LMO7: variants seen among roughly 807,000 people sequenced by gnomAD.
The protein encoded by LMO7 is LIM domain only protein 7.
LMO7 carries 120 observed loss-of-function variants against 206.5 expected under a neutral mutation model. That is an observed-to-expected ratio of 0.58 (90% CI 0.50 to 0.68). The LOEUF is 0.68. LMO7 is among the 30% of genes least tolerant of loss of function. LMO7 has a pLI of 0.00. For missense variants in LMO7, 1,959 were observed against 1,957.9 expected (o/e 1.00, Z -0.01); for synonymous variants, 706 against 681.5 (o/e 1.04, Z -0.56).
chr13:75,646,239 C>T (rs2036995490), intron 1 of LMO7, among the ~76,000 whole-genome samples: 1 of 152,182 alleles, frequency 6.6e-6, no homozygotes, highest in Non-Finnish European at 1.5e-5. Flanking sequence ...ATCCAACAGG[C>T]TATATCTTCA....
intron 11 of LMO7, among the ~76,000 whole-genome samples, chr13:75,813,204 C>A (rs541508396): frequency 3.5e-4 from 54 of 152,372 alleles, no homozygotes; most frequent in African/African-American, 1.2e-3. Context: ...GGCTGAGAGA[C>A]TCCTTCCTCT....
chr13:75,624,357 C>T (rs147142535), intron 2 of LMO7, among the ~76,000 whole-genome samples: 2,948 of 152,306 alleles, frequency 0.019, 34 homozygotes, highest in Non-Finnish European at 0.03. Context: ...GCTTCCTAGC[C>T]TCTCTGCTGT....
chr13:75,833,810 T>C (rs2058892916), intron 16 of LMO7, among the ~76,000 whole-genome samples: 1 of 152,188 alleles, frequency 6.6e-6, no homozygotes, highest in African/African-American at 2.4e-5. Context: ...TAGATAATGG[T>C]ATTTTAGTTA....
intron 15 of LMO7, among the ~76,000 whole-genome samples, chr13:75,830,895 T>C (rs780179608): frequency 1.3e-5 from 2 of 152,220 alleles, no homozygotes; most frequent in African/African-American, 2.4e-5. Context: ...CTTCAAGCTA[T>C]AAAACACAAT....
In LMO7 at chr13:75,727,117, T is replaced by TCA; in HGVS notation, c.210+22_210+23dup. 6.9e-7 allele frequency: 1 copy of TCA among 1,452,414 alleles called. No individual in the cohort carries two copies. Among genetic ancestry groups the TCA allele is most frequent in the East Asian group, 2.3e-5 (1 of 43,686 alleles). The allele number at this position is 1,452,414 out of a possible 1,614,324, so 90.0% of individuals were successfully genotyped here. On this transcript the variant is annotated intron_variant, in intron 3 of 30. Transcript: ENST00000377534. The stretch of plus-strand genomic sequence containing the variant: ...AGGATTGGTAAGTAGTAAATTATCT[T>TCA]CACAACTAAATTTATTTGTCTTTGA...
intron 11 of LMO7, among the ~76,000 whole-genome samples, chr13:75,816,635 A>G (rs2057027193): frequency 6.6e-6 from 1 of 150,904 alleles, no homozygotes; most frequent in Admixed American, 6.7e-5. Flanking sequence ...GAACAAGTCT[A>G]GTGCAGTGGT....
At chr13:75,629,368 C>A (rs2034622308) in intron 2 of LMO7, among the ~76,000 whole-genome samples, 1 of 151,828 alleles carries the variant, frequency 6.6e-6, no homozygotes, top group African/African-American at 2.4e-5. Context: ...GCTTATGGTT[C>A]AGTGAGGAAA....
At chr13:75,820,865 C>T (rs372153010) in intron 13 of LMO7, among the ~76,000 whole-genome samples, 54 of 152,074 alleles carry the variant, frequency 3.6e-4, no homozygotes, top group East Asian at 5.8e-4. Context: ...GGTGTGGTGG[C>T]GCATGCCCGT....
At chr13:75,805,969 C>T (rs1448401889) in intron 9 of LMO7, 1 of 1,086,732 alleles carries the variant, frequency 9.2e-7, no homozygotes, top group East Asian at 2.8e-5. Context: ...TATACATAGT[C>T]ATAGCACGGC....
intron 3 of LMO7, chr13:75,760,389 G>T (rs2048058502): frequency 2.8e-6 from 3 of 1,064,926 alleles, no homozygotes; most frequent in African/African-American, 1.7e-5. Flanking sequence ...TGGTTTCCCT[G>T]CCTGTCAAGA....
At chr13:75,727,662 A>G (rs1047214012) in intron 3 of LMO7, among the ~76,000 whole-genome samples, 2 of 151,972 alleles carry the variant, frequency 1.3e-5, no homozygotes, top group Non-Finnish European at 2.9e-5. Flanking sequence ...TTTAGGGTAC[A>G]TGTGCACAAC....
chr13:75,632,862 G>GTTTTT (rs10690832), upstream of LMO7, among the ~76,000 whole-genome samples: 28,065 of 101,930 alleles, frequency 0.28, 6,703 homozygotes, highest in Admixed American at 0.41. Flanking sequence ...TTACTTAAAA[G>GTTTTT]TTTTTTTTTT....
chr13:75,823,031 G>A (rs940457876), intron 14 of LMO7, among the ~76,000 whole-genome samples: 1 of 151,724 alleles, frequency 6.6e-6, no homozygotes, highest in African/African-American at 2.4e-5. Context: ...GCAAGTAAAG[G>A]GACTGGTTTA....
At chr13:75,686,526 C>CT (rs3036372) in intron 1 of LMO7, among the ~76,000 whole-genome samples, 15,157 of 135,760 alleles carry the variant, frequency 0.11, 901 homozygotes, top group East Asian at 0.14. Flanking sequence ...CCTATCTTAC[C>CT]TTTTTTTTTT....
chr13:75,706,751 C>A (rs1367174903), intron 1 of LMO7, among the ~76,000 whole-genome samples: 1 of 152,022 alleles, frequency 6.6e-6, no homozygotes, highest in Non-Finnish European at 1.5e-5. Context: ...TTGTAAAATA[C>A]CCTAATTTTA....
chr13:75,841,240 T>C (rs2059535198), intron 23 of LMO7, 39 bp downstream of exon 23: 1 of 1,352,564 alleles, frequency 7.4e-7, no homozygotes, highest in Non-Finnish European at 1.1e-6. Flanking sequence ...TTCTTCTCTT[T>C]ACCTTGTTGG....
chr13:75,783,898 C>T (rs2051962065), intron 4 of LMO7, among the ~76,000 whole-genome samples: 1 of 152,164 alleles, frequency 6.6e-6, no homozygotes, highest in Admixed American at 6.5e-5. Context: ...TTCTAGGTTA[C>T]AGTCTTTAAA....
chr13:75,703,273 A>G (rs1463992178), intron 1 of LMO7, among the ~76,000 whole-genome samples: 1 of 152,176 alleles, frequency 6.6e-6, no homozygotes, highest in Non-Finnish European at 1.5e-5. Context: ...TTTAAAAGTG[A>G]TGAGGGTGTG....
At chr13:75,793,337 G>A (rs1386805961) in intron 4 of LMO7, among the ~76,000 whole-genome samples, 2 of 152,176 alleles carry the variant, frequency 1.3e-5, no homozygotes, top group Admixed American at 6.5e-5. Context: ...ATGCAGTGGC[G>A]CAATCTCAGC....
Sources: gnomAD v4.1 joint callset for allele counts (sites outside exome capture counted in the v4.1 genomes callset) on GRCh38, gnomAD v4.1.1 for gene constraint, MANE v1.5 for transcripts, NCBI Gene and HGNC (gene_info 2026-07-23, HGNC 2026-07-21) for gene names.